The following ATP8B1 variants were observed in gnomAD, a reference collection of about 807,000 sequenced individuals.
The protein encoded by ATP8B1 is phospholipid-transporting ATPase IC.
In ATP8B1, 80 loss-of-function variants were observed where a neutral mutation model predicts 149.9. The ratio of observed to expected loss-of-function variants is 0.53; its 90% CI spans 0.45 to 0.64. ATP8B1 has a LOEUF of 0.64. Among genes scored for constraint, ATP8B1 ranks in the 30% least tolerant of loss-of-function variants. The pLI, the probability that ATP8B1 is intolerant of heterozygous loss-of-function variation, is 0.00. For missense variants in ATP8B1, 1,247 were observed against 1,552.6 expected, an observed-to-expected ratio of 0.80 and a Z score of 3.31; for synonymous variants, 536 against 562.8, an observed-to-expected ratio of 0.95 and a Z score of 0.67.
intron 3 of ATP8B1, 61 bp downstream of exon 3, chr18:57,706,429 A>G (rs1340886242): frequency 4.3e-6 from 6 of 1,383,898 alleles, no homozygotes; most frequent in Non-Finnish European, 6.1e-6. Context: ...GGTAGTAAGC[A>G]TGCCAGCTAC....
chr18:57,721,482 G>A (rs1463782157), intron 2 of ATP8B1, among the ~76,000 whole-genome samples: 1 of 150,818 alleles, frequency 6.6e-6, no homozygotes, highest in Admixed American at 6.6e-5. Flanking sequence ...AACCAACAAA[G>A]ATCAAAAGAG....
chr18:57,702,153 G>T (rs1209001100), intron 4 of ATP8B1, among the ~76,000 whole-genome samples: 1 of 152,240 alleles, frequency 6.6e-6, no homozygotes, highest in East Asian at 1.9e-4. Flanking sequence ...ATCTCTGAGG[G>T]CATTAGAAGA....
At chr18:57,777,984 T>C (rs945650122) in intron 1 of ATP8B1, among the ~76,000 whole-genome samples, 1 of 152,220 alleles carries the variant, frequency 6.6e-6, no homozygotes, top group African/African-American at 2.4e-5. Context: ...AACTGAAGCT[T>C]GGAAACTGTG....
intron 22 of ATP8B1, 120 bp downstream of exon 22, chr18:57,661,054 A>T: frequency 7.4e-7 from 1 of 1,343,040 alleles, no homozygotes; most frequent in Non-Finnish European, 1.0e-6. Context: ...TTTATGAAAC[A>T]TCTGCTCTAT....
intron 1 of ATP8B1, among the ~76,000 whole-genome samples, chr18:57,734,842 A>G (rs2079830403): frequency 6.6e-6 from 1 of 152,178 alleles, no homozygotes; most frequent in Admixed American, 6.5e-5. Flanking sequence ...GGCTAGCTGG[A>G]TTTCCTAGGC....
chr18:57,707,938 C>G (rs1913490228), intron 2 of ATP8B1, among the ~76,000 whole-genome samples: 1 of 151,210 alleles, frequency 6.6e-6, no homozygotes, highest in Admixed American at 6.6e-5. Flanking sequence ...GGATGGATCA[C>G]TTGAGGTCAG....
intron 1 of ATP8B1, among the ~76,000 whole-genome samples, chr18:57,756,438 T>C (rs1287390876): frequency 2.6e-5 from 4 of 151,064 alleles, no homozygotes; most frequent in African/African-American, 9.8e-5. Context: ...GTAGCTGGGA[T>C]TACAGGCGCC....
chr18:57,665,951 A>T (rs1015622346), intron 20 of ATP8B1, among the ~76,000 whole-genome samples: 2 of 152,166 alleles, frequency 1.3e-5, no homozygotes, highest in Non-Finnish European at 2.9e-5. Context: ...ACTGATTTAG[A>T]TCATAAGGCT....
At chr18:57,730,578 TGAAATA>T (rs1460742276) in intron 2 of ATP8B1, among the ~76,000 whole-genome samples, 1 of 151,818 alleles carries the variant, frequency 6.6e-6, no homozygotes, top group African/African-American at 2.4e-5. Context: ...CAGCAGGAGA[TGAAATA>T]GAAAAGCCAC....
At chr18:57,735,241 C>T (rs1305898544) in intron 1 of ATP8B1, 1 of 170,672 alleles carries the variant, frequency 5.9e-6, no homozygotes, top group Non-Finnish European at 1.2e-5. Context: ...CGCTGACTTC[C>T]ATCCCTCCAA....
At chr18:57,656,798 AGAAGAGTGGGGAGAGAAG>A (rs944908184) in intron 22 of ATP8B1, among the ~76,000 whole-genome samples, 1 of 136,386 alleles carries the variant, frequency 7.3e-6, no homozygotes, top group African/African-American at 2.8e-5. Context: ...GAGTGGGGAG[AGAAGAGTGGGGAGAGAAG>A]GGAGGGAGGG....
At position 57,688,426 on chromosome 18, in the gene ATP8B1, T is replaced by C; in HGVS notation, c.1302A>G (p.Ala434=). 6.2e-7 allele frequency: 1 copy of C among 1,614,204 alleles called. No homozygotes were observed. Among genetic ancestry groups the C allele is most frequent in the South Asian group, 1.1e-5 (1 of 91,080 alleles). ...QMYYAEKDTP[A]KARTTTLNEQ... is the part of the protein sequence containing the mutation. The stretch of plus-strand genomic sequence containing the variant: ...CATTGAGTGTGGTGGTTCTAGCTTT[T>C]GCGGGTGTGTCCTTCTCAGCATAGT... Residue 434 remains alanine, a synonymous_variant, in exon 13 of 28, where the codon GCA becomes GCG. Coordinates refer to ENST00000648908, the MANE Select transcript of ATP8B1 (RefSeq NM_001374385.1).
At chr18:57,684,820 A>G (rs1912152495) in intron 14 of ATP8B1, among the ~76,000 whole-genome samples, 1 of 152,186 alleles carries the variant, frequency 6.6e-6, no homozygotes, top group Non-Finnish European at 1.5e-5. Context: ...AATGATTGGT[A>G]TCCTTATTAG....
chr18:57,692,872 G>A (rs1299063322), intron 11 of ATP8B1, among the ~76,000 whole-genome samples: 2 of 152,182 alleles, frequency 1.3e-5, no homozygotes, highest in African/African-American at 4.8e-5. Context: ...TAGAAGTTAT[G>A]AGCATATATT....
chr18:57,747,077 G>A (rs11877829), intron 1 of ATP8B1, among the ~76,000 whole-genome samples: 50,238 of 152,150 alleles, frequency 0.33, 9,924 homozygotes, highest in Non-Finnish European at 0.45. Context: ...CCTCAGCAAA[G>A]ATCCCCAACC....
intron 2 of ATP8B1, among the ~76,000 whole-genome samples, chr18:57,726,914 T>C (rs568987525): frequency 1.3e-5 from 2 of 152,156 alleles, no homozygotes; most frequent in African/African-American, 2.4e-5. Context: ...ATTCCGTCCT[T>C]ACTAAAAATA....
At chr18:57,709,615 A>C (rs1354395751) in intron 2 of ATP8B1, among the ~76,000 whole-genome samples, 1 of 152,138 alleles carries the variant, frequency 6.6e-6, no homozygotes, top group African/African-American at 2.4e-5. Context: ...TTGAACTACA[A>C]AGATAATTTA....
intron 22 of ATP8B1, among the ~76,000 whole-genome samples, chr18:57,657,617 TATA>T (rs1340730441): frequency 5.3e-5 from 8 of 152,254 alleles, no homozygotes; most frequent in Admixed American, 1.3e-4. Flanking sequence ...CTGCATCTCA[TATA>T]ATATTTATGT....
At chr18:57,656,275 A>G (rs1909988306) in intron 22 of ATP8B1, among the ~76,000 whole-genome samples, 1 of 152,164 alleles carries the variant, frequency 6.6e-6, no homozygotes, top group South Asian at 2.1e-4. Flanking sequence ...AGAAAACCCA[A>G]GCTGAGCCAG....
Sources: allele counts gnomAD v4.1 joint callset (sites outside exome capture counted in the v4.1 genomes callset), GRCh38; gene constraint gnomAD v4.1.1; transcripts MANE v1.5; gene names NCBI Gene and HGNC (gene_info 2026-07-23, HGNC 2026-07-21).